Variants in SUPT3H observed in about 807,000 individuals in gnomAD.
SUPT3H encodes the protein SPT3 homolog, SAGA and STAGA complex component, also known as transcription initiation protein SPT3 homolog.
A neutral mutation model predicts 44.3 loss-of-function variants in SUPT3H; 44 were observed. That is an observed-to-expected ratio of 0.99 (90% confidence interval 0.78 to 1.28). The LOEUF is 1.28. Ranked by LOEUF, SUPT3H falls within the 50% of genes most tolerant of loss-of-function variation. The pLI is 0.00. For missense variants in SUPT3H, 380 were observed against 387.1 expected, an observed-to-expected ratio of 0.98 and a Z score of 0.15; for synonymous variants, 124 against 125.6, an observed-to-expected ratio of 0.99 and a Z score of 0.09.
chr6:45,255,899 T>C (rs1175213996), intron 2 of SUPT3H, among the ~76,000 whole-genome samples: 3 of 152,184 alleles, frequency 2.0e-5, no homozygotes, highest in Non-Finnish European at 4.4e-5. Context: ...TGGCCGGGCA[T>C]GGTGGCTCAT....
intron 7 of SUPT3H, among the ~76,000 whole-genome samples, chr6:44,959,811 A>G (rs992411046): frequency 6.6e-6 from 1 of 152,186 alleles, no homozygotes; most frequent in Non-Finnish European, 1.5e-5. Flanking sequence ...ACTTAAGAAG[A>G]TACATATGGC....
At chr6:45,020,991 T>C (rs545978451) in intron 3 of SUPT3H, among the ~76,000 whole-genome samples, 33 of 152,074 alleles carry the variant, frequency 2.2e-4, no homozygotes, top group Admixed American at 5.2e-4. Context: ...GTATCACTAG[T>C]TGAATAAGTA....
At position 44,996,740 on chromosome 6, in the gene SUPT3H, T is replaced by C. The variant is rs148557620; in HGVS notation, c.504+6913A>G. 4.8e-3 allele frequency among the ~76,000 whole-genome samples: 729 copies of C among 151,988 alleles called. 4 individuals are homozygous for C. Among genetic ancestry groups the C allele is most frequent in the African/African-American group, 0.017 (696 of 41,554 alleles). The stretch of plus-strand genomic sequence containing the variant: ...TCTCAAAAGCTTTGAAACAAAAGCC[T>C]AGAAAGTCCTTCCATATTACCTGTG... On this transcript the variant is annotated intron_variant, in intron 6 of 10. Transcript: ENST00000371459.
chr6:44,881,626 A>G (rs1778237520), intron 10 of SUPT3H, among the ~76,000 whole-genome samples: 1 of 152,216 alleles, frequency 6.6e-6, no homozygotes, highest in South Asian at 2.1e-4. Flanking sequence ...AAAATTGATC[A>G]CATTATTGGA....
rs1773258957 is a variant in SUPT3H at position 44,945,857 on chromosome 6, T to A, written c.801+7453A>T. Among the ~76,000 whole-genome samples, 4 of 152,296 alleles carry A rather than the reference T, an allele frequency of 2.6e-5. No individual in the cohort carries two copies. The South Asian group carries it at 6.2e-4, about 24-fold the overall frequency. On this transcript the variant is annotated intron_variant, in intron 9 of 10. Coordinates refer to ENST00000371459, the MANE Select transcript of SUPT3H (RefSeq NM_003599.4). ...GATGGCTACATGTAACAACAGATTT[T>A]CATTGTAGATGAAATGGCTATTAGA...
chr6:44,884,048 A>C (rs1438062902), intron 10 of SUPT3H, among the ~76,000 whole-genome samples: 1 of 152,220 alleles, frequency 6.6e-6, no homozygotes, highest in East Asian at 1.9e-4. Context: ...TGCACAGTGA[A>C]AGAAACTCAT....
chr6:45,027,062 T>C (rs548456217), intron 3 of SUPT3H, among the ~76,000 whole-genome samples: 1 of 142,230 alleles, frequency 7.0e-6, no homozygotes, highest in Non-Finnish European at 1.5e-5. Context: ...TGATCACAGC[T>C]CACTGCAGCC....
At chr6:45,016,168 T>A (rs1784235030) in intron 4 of SUPT3H, among the ~76,000 whole-genome samples, 1 of 151,942 alleles carries the variant, frequency 6.6e-6, no homozygotes, top group South Asian at 2.1e-4. Flanking sequence ...CAAAGTCGAG[T>A]CATGCATTGC....
At chr6:44,811,722 CCAGA>C (rs1766538985) in intron 11 of SUPT3H, among the ~76,000 whole-genome samples, 1 of 152,232 alleles carries the variant, frequency 6.6e-6, no homozygotes, top group African/African-American at 2.4e-5. Flanking sequence ...CCAGCTTATG[CCAGA>C]CACTCAGTGG....
chr6:45,299,910 G>A (rs1043780495), intron 2 of SUPT3H, among the ~76,000 whole-genome samples: 4 of 151,662 alleles, frequency 2.6e-5, no homozygotes, highest in African/African-American at 9.7e-5. Flanking sequence ...TTAGTGGTAA[G>A]TATATAACAT....
intron 2 of SUPT3H, among the ~76,000 whole-genome samples, chr6:45,183,000 C>T (rs1039955725): frequency 6.6e-6 from 1 of 152,168 alleles, no homozygotes; most frequent in Non-Finnish European, 1.5e-5. Flanking sequence ...GAACTGCAGA[C>T]ATACATGGGT....
rs140670215 is a variant in SUPT3H at position 45,042,189 on chromosome 6, G to A, written c.187-21557C>T. On this transcript the variant is annotated intron_variant, in intron 3 of 10. Coordinates refer to ENST00000371459, the MANE Select transcript of SUPT3H (RefSeq NM_003599.4). The stretch of plus-strand genomic sequence containing the variant: ...TATAATCCCAGCACTTTGGGAGGCC[G>A]AGGCAGGCTGATCATCTGAGGTCAG... Among the ~76,000 whole-genome samples the A allele has an allele frequency of 2.7e-3, 411 of 152,226 alleles. 1 individual carries two copies. Among genetic ancestry groups the A allele is most frequent in the Non-Finnish European group, 4.4e-3 (297 of 68,010 alleles).
rs1813214302 is a variant in SUPT3H, at chr6:45,181,625, C to CAAACACCG, written c.102-75627_102-75620dup. On this transcript the variant is annotated intron_variant, in intron 2 of 10. Transcript: ENST00000371459. ...GTAAACCATCGCAAGGACAAAAAAC[C>CAAACACCG]AAACACCGCATATTCTCCCTCATAA... is the stretch of plus-strand genomic sequence containing the variant. Among the ~76,000 whole-genome samples the CAAACACCG allele has an allele frequency of 1.2e-4, 18 of 149,364 alleles. No homozygotes were observed. In the South Asian group the frequency reaches 3.6e-3, roughly 30 times the overall value.
At chr6:45,239,023 T>C (rs1769774523) in intron 2 of SUPT3H, among the ~76,000 whole-genome samples, 1 of 152,230 alleles carries the variant, frequency 6.6e-6, no homozygotes, top group Non-Finnish European at 1.5e-5. Context: ...AGCTTCTTAT[T>C]CTGGATCGAA....
intron 2 of SUPT3H, among the ~76,000 whole-genome samples, chr6:45,265,805 A>C (rs562300725): frequency 1.2e-4 from 19 of 152,110 alleles, no homozygotes; most frequent in Non-Finnish European, 2.5e-4. Context: ...TGCAAGCAAG[A>C]ATGTTATGTT....
chr6:45,291,300 C>G (rs1299367762), intron 2 of SUPT3H, among the ~76,000 whole-genome samples: 1 of 152,118 alleles, frequency 6.6e-6, no homozygotes, highest in Non-Finnish European at 1.5e-5. Flanking sequence ...GAACAACAGC[C>G]TTTAGCGCTA....
chr6:45,126,673 T>C lies in SUPT3H; in HGVS notation c.102-20667A>G, dbSNP rs1034567037. Reference sequence around the variant, plus strand: ...TTAGCGATGTAAGGATTAAGGACACTGACTATGCCTATCCTCTAAGGGAGA... The same window carrying C: ...TTAGCGATGTAAGGATTAAGGACACCGACTATGCCTATCCTCTAAGGGAGA... On this transcript the variant is annotated intron_variant, in intron 2 of 10. Coordinates refer to ENST00000371459, the MANE Select transcript of SUPT3H (RefSeq NM_003599.4). Among the ~76,000 whole-genome samples, 15 of 152,290 alleles carry C rather than the reference T, an allele frequency of 9.8e-5. No homozygotes were observed. The South Asian group carries it at 1.0e-3, about 11-fold the overall frequency.
chr6:44,891,425 G>A (rs1432300223), intron 10 of SUPT3H, among the ~76,000 whole-genome samples: 1 of 151,868 alleles, frequency 6.6e-6, no homozygotes, highest in Admixed American at 6.6e-5. Flanking sequence ...ACCATAAAAG[G>A]GAACAAAATT....
intron 2 of SUPT3H, among the ~76,000 whole-genome samples, chr6:45,145,597 C>T (rs1805919917): frequency 1.3e-5 from 2 of 152,070 alleles, no homozygotes; most frequent in South Asian, 4.1e-4. Context: ...GTCTTCTAGA[C>T]ATTGGCTTAG....
Sources: allele counts gnomAD v4.1 joint callset (sites outside exome capture counted in the v4.1 genomes callset), GRCh38; gene constraint gnomAD v4.1.1; transcripts MANE v1.5; gene names NCBI Gene and HGNC (gene_info 2026-07-23, HGNC 2026-07-21).